SDC3: variants seen among roughly 807,000 people sequenced by gnomAD.
SDC3 encodes syndecan 3.
Under a neutral mutation model 24.4 loss-of-function variants are expected in SDC3, and 13 were observed. The observed-to-expected ratio is 0.53, with a 90% CI of 0.35 to 0.85. The LOEUF (loss-of-function observed/expected upper bound fraction) is 0.85. Among genes scored for constraint, SDC3 ranks in the 40% least tolerant of loss-of-function variants. The pLI is 0.01. For missense variants in SDC3, 571 were observed against 584.5 expected, an observed-to-expected ratio of 0.98 and a Z score of 0.24; for synonymous variants, 295 against 260.9, an observed-to-expected ratio of 1.13 and a Z score of -1.26.
intron 1 of SDC3, among the ~76,000 whole-genome samples, chr1:30,898,118 G>T (rs1364302179): frequency 6.6e-6 from 1 of 152,092 alleles, no homozygotes; most frequent in Non-Finnish European, 1.5e-5. Flanking sequence ...CAGGTACCTG[G>T]TGACTGTGTG....
At chr1:30,887,453 C>T (rs747579774) in intron 1 of SDC3, among the ~76,000 whole-genome samples, 5 of 152,264 alleles carry the variant, frequency 3.3e-5, no homozygotes, top group Non-Finnish European at 5.9e-5. Context: ...CCAGCTGTCA[C>T]GTGCCTAGTG....
chr1:30,907,790 C>G (rs1441397410), intron 1 of SDC3, among the ~76,000 whole-genome samples: 1 of 152,196 alleles, frequency 6.6e-6, no homozygotes, highest in African/African-American at 2.4e-5. Context: ...CTCACTCCCC[C>G]CTCAGGTCAC....
intron 1 of SDC3, among the ~76,000 whole-genome samples, chr1:30,880,216 G>T (rs926018195): frequency 6.6e-6 from 1 of 152,028 alleles, no homozygotes; most frequent in African/African-American, 2.4e-5. Context: ...CCATGCTAAC[G>T]ACCAGGAGCT....
At chr1:30,879,921 A>T (rs1295258738) in intron 1 of SDC3, 1 of 152,584 alleles carries the variant, frequency 6.6e-6, no homozygotes, top group Admixed American at 6.5e-5. Flanking sequence ...AGACCCTTGA[A>T]ATGACACACC....
chr1:30,873,448 G>A (rs2124305231), intron 4 of SDC3, 71 bp from the exon 5 acceptor site: 10 of 1,161,426 alleles, frequency 8.6e-6, no homozygotes, highest in Admixed American at 1.9e-5. Flanking sequence ...CCTCAGGGGT[G>A]GGGGCCAGGG....
Position 30,872,833 on chromosome 1 carries a change from AGATCTCAGTGAG to A in SDC3, c.*366_*377del. 4.4e-6 allele frequency: 1 copy of A among 225,466 alleles called. No individual in the cohort carries two copies. The highest frequency in any genetic ancestry group is 8.8e-6 in the Non-Finnish European group (1 of 113,942). 14.0% of individuals were successfully genotyped at this position (225,466 alleles called of 1,614,324 possible). A position where few individuals can be genotyped will look rare whatever the true frequency, so the allele number is the denominator to read the frequency against. ...TGAGTGCCTCTCTGCCCCAAAAAGG[AGATCTCAGTGAG>A]CACTGTGGGTGCCAAGTCAGGGCTC... On this transcript the variant is annotated 3_prime_UTR_variant, in exon 5 of 5. Coordinates refer to ENST00000339394, the MANE Select transcript of SDC3 (RefSeq NM_014654.4).
Position 30,899,617 on chromosome 1 carries a change from G to A in SDC3, c.138+8832C>T, listed in dbSNP as rs186238159. ...GAACTCCTGACCTCATGATCCACCC[G>A]CCTTGGCCTCCCAAAGTGCTGGGAT... On this transcript the variant is annotated intron_variant, in intron 1 of 4. Coordinates refer to ENST00000339394, the MANE Select transcript of SDC3 (RefSeq NM_014654.4). Among the ~76,000 whole-genome samples, 71 of 152,206 alleles carry A rather than the reference G, an allele frequency of 4.7e-4. No individual in the cohort carries two copies. The East Asian group carries it at 0.01, about 22-fold the overall frequency.
At chr1:30,882,742 T>C (rs1639764867) in intron 1 of SDC3, among the ~76,000 whole-genome samples, 1 of 151,938 alleles carries the variant, frequency 6.6e-6, no homozygotes, top group African/African-American at 2.4e-5. Flanking sequence ...ACTCCAGAAT[T>C]TGGGGTCTCT....
intron 1 of SDC3, chr1:30,881,563 C>T (rs1353239312): frequency 6.6e-6 from 1 of 152,288 alleles, no homozygotes; most frequent in Non-Finnish European, 1.5e-5. Flanking sequence ...CTTCCGGCCA[C>T]CACTGATCTC....
chr1:30,875,885 G>T (rs1002696413), intron 3 of SDC3, among the ~76,000 whole-genome samples: 3 of 152,182 alleles, frequency 2.0e-5, no homozygotes, highest in African/African-American at 7.2e-5. Context: ...GCTGCCCGTG[G>T]GGTGGGCATG....
In SDC3 at chr1:30,882,457, C is replaced by T. The variant is rs369110626; in HGVS notation, c.139-3717G>A. ...GGCCCCCTCACTCCACATCCACTCCCACCGATCCTCTCCTAGAGTTTTAGA... is the reference window on the plus strand; with the variant it reads ...GGCCCCCTCACTCCACATCCACTCCTACCGATCCTCTCCTAGAGTTTTAGA... On this transcript the variant is annotated intron_variant, in intron 1 of 4. Coordinates refer to ENST00000339394, the MANE Select transcript of SDC3 (RefSeq NM_014654.4). 1.2e-4 allele frequency among the ~76,000 whole-genome samples: 18 copies of T among 152,316 alleles called. No homozygotes were observed. In the East Asian group the frequency reaches 1.4e-3, roughly 11 times the overall value.
At chr1:30,873,777 A>G (rs2124305754) in intron 4 of SDC3, among the ~76,000 whole-genome samples, 1 of 152,316 alleles carries the variant, frequency 6.6e-6, no homozygotes, top group South Asian at 2.1e-4. Flanking sequence ...GAATTGATTA[A>G]GGGCAAAATG....
At chr1:30,894,159 G>C (rs1639949703) in intron 1 of SDC3, among the ~76,000 whole-genome samples, 1 of 151,382 alleles carries the variant, frequency 6.6e-6, no homozygotes, top group East Asian at 2.0e-4. Context: ...TTGTGAGTGT[G>C]CGTGTGTGTG....
chr1:30,907,544 TCA>T (rs1175323569), intron 1 of SDC3, among the ~76,000 whole-genome samples: 2 of 151,732 alleles, frequency 1.3e-5, no homozygotes, highest in African/African-American at 4.8e-5. Context: ...CAGAGGTCTT[TCA>T]CACACACACC....
At chr1:30,873,510 A>G (rs144363588) in intron 4 of SDC3, 133 bp from the exon 5 acceptor site, 15 of 630,114 alleles carry the variant, frequency 2.4e-5, no homozygotes, top group Middle Eastern at 4.2e-4. Flanking sequence ...GATGGAGTCA[A>G]TACTACTACT....
intron 3 of SDC3, among the ~76,000 whole-genome samples, chr1:30,875,126 G>A (rs1639615343): frequency 1.3e-5 from 2 of 152,210 alleles, no homozygotes; most frequent in Admixed American, 1.3e-4. Context: ...CTCAGTGACT[G>A]ACAATCTCTA....
In SDC3 at chr1:30,882,192, T is replaced by A. The variant is rs535747345; in HGVS notation, c.139-3452A>T. The stretch of plus-strand genomic sequence containing the variant: ...CATTAACAGGTCCACAATACCTGCA[T>A]CTCAGTTCCCTCCACACACACATGC... On this transcript the variant is annotated intron_variant, in intron 1 of 4. Transcript: ENST00000339394. Among the ~76,000 whole-genome samples, 5 of 152,298 alleles carry A rather than the reference T, an allele frequency of 3.3e-5. No homozygotes were observed. The East Asian group carries it at 9.6e-4, about 29-fold the overall frequency.
At chr1:30,891,849 T>TC (rs1472899775) in intron 1 of SDC3, among the ~76,000 whole-genome samples, 2 of 86,888 alleles carry the variant, frequency 2.3e-5, no homozygotes, top group Non-Finnish European at 5.2e-5. Flanking sequence ...TGAGACGCCG[T>TC]CAAAAAAAAA....
At chr1:30,901,564 C>T (rs1020924027) in intron 1 of SDC3, among the ~76,000 whole-genome samples, 1 of 152,176 alleles carries the variant, frequency 6.6e-6, no homozygotes, top group African/African-American at 2.4e-5. Context: ...AAACTCAGCA[C>T]CACGGACCCT....
Sources: allele counts gnomAD v4.1 joint callset (sites outside exome capture counted in the v4.1 genomes callset), GRCh38; gene constraint gnomAD v4.1.1; transcripts MANE v1.5; gene names NCBI Gene and HGNC (gene_info 2026-07-23, HGNC 2026-07-21).